The following GPR15LG variants were observed in gnomAD, a reference collection of about 807,000 sequenced individuals.
GPR15LG encodes the protein protein GPR15LG.
the GPR15LG span, among the ~76,000 whole-genome samples, chr10:84,179,479 T>A: frequency 6.6e-6 from 1 of 152,196 alleles, no homozygotes; most frequent in African/African-American, 2.4e-5. Flanking sequence ...AGGAGGGAGA[T>A]GAATCAGTGT....
At chr10:84,177,840 C>A in the GPR15LG span, among the ~76,000 whole-genome samples, 2 of 152,160 alleles carry the variant, frequency 1.3e-5, no homozygotes, top group Non-Finnish European at 2.9e-5. Flanking sequence ...TGGAGGCGAG[C>A]CCCAAGAGCT....
At chr10:84,178,344 TAG>T in the GPR15LG span, among the ~76,000 whole-genome samples, 1 of 150,284 alleles carries the variant, frequency 6.7e-6, no homozygotes, top group Non-Finnish European at 1.5e-5. Flanking sequence ...CATACACACA[TAG>T]ACACATGCAC....
At chr10:84,174,902 T>TG in the GPR15LG span, among the ~76,000 whole-genome samples, 2 of 152,174 alleles carry the variant, frequency 1.3e-5, no homozygotes, top group East Asian at 3.8e-4. Flanking sequence ...CTCAAACTTT[T>TG]GGGTGGGGGG....
the GPR15LG span, chr10:84,184,693 G>A: frequency 1.2e-6 from 2 of 1,614,034 alleles, no homozygotes; most frequent in Non-Finnish European, 1.7e-6. Flanking sequence ...CATCATGTGA[G>A]GCTCTGTAAA....
the GPR15LG span, among the ~76,000 whole-genome samples, chr10:84,183,094 A>T: frequency 6.6e-6 from 1 of 152,048 alleles, no homozygotes; most frequent in Admixed American, 6.5e-5. Flanking sequence ...TGGATGGATG[A>T]ATTATAATTA....
chr10:84,184,362 C>T, the GPR15LG span, among the ~76,000 whole-genome samples: 2 of 152,172 alleles, frequency 1.3e-5, no homozygotes, highest in Non-Finnish European at 2.9e-5. Context: ...CTACCAGAGT[C>T]ATTAGAAACA....
the GPR15LG span, among the ~76,000 whole-genome samples, chr10:84,180,452 TCGCGGCCGGGCAGAGGCG>T: frequency 7.3e-6 from 1 of 137,494 alleles, no homozygotes; most frequent in Admixed American, 7.2e-5. Context: ...CCAGACGGGG[TCGCGGCCGGGCAGAGGCG>T]CTCTTCACAA....
At chr10:84,181,082 G>A in the GPR15LG span, among the ~76,000 whole-genome samples, 3,325 of 141,956 alleles carry the variant, frequency 0.023, 46 homozygotes, top group Middle Eastern at 0.048. Flanking sequence ...CGTGCAAAGA[G>A]GAGGGAGAGG....
At chr10:84,183,283 C>T in the GPR15LG span, among the ~76,000 whole-genome samples, 2 of 152,168 alleles carry the variant, frequency 1.3e-5, no homozygotes, top group African/African-American at 4.8e-5. Flanking sequence ...GAAGGTCCCA[C>T]AGCTACTAAG....
At chr10:84,177,683 G>A in the GPR15LG span, among the ~76,000 whole-genome samples, 1 of 152,162 alleles carries the variant, frequency 6.6e-6, no homozygotes, top group African/African-American at 2.4e-5. Context: ...CAGCCGGCCA[G>A]GATAAAAATA....
the GPR15LG span, among the ~76,000 whole-genome samples, chr10:84,177,283 G>A: frequency 6.6e-6 from 1 of 152,224 alleles, no homozygotes; most frequent in Non-Finnish European, 1.5e-5. Context: ...GGGGCTGCAG[G>A]CCCAGAGCAG....
At chr10:84,176,662 T>C in the GPR15LG span, 368 of 847,646 alleles carry the variant, frequency 4.3e-4, 1 homozygote, top group South Asian at 2.7e-3. Flanking sequence ...CACCCATGGC[T>C]GGCATCAGGC....
chr10:84,176,365 G>A, the GPR15LG span: 10 of 772,324 alleles, frequency 1.3e-5, no homozygotes, highest in South Asian at 8.6e-5. Flanking sequence ...TCGTAGCCTG[G>A]CTCATCCTGA....
At chr10:84,176,328 C>G in the GPR15LG span, 4 of 671,132 alleles carry the variant, frequency 6.0e-6, no homozygotes, top group Admixed American at 4.5e-5. Flanking sequence ...TAAATCACAA[C>G]AAGGCCCACT....
chr10:84,176,534 A>G, the GPR15LG span: 72 of 1,613,920 alleles, frequency 4.5e-5, no homozygotes, highest in Non-Finnish European at 5.9e-5. Context: ...CTCTGCTGCC[A>G]CCGAGTCCCT....
chr10:84,181,752 A>C, the GPR15LG span, among the ~76,000 whole-genome samples: 1 of 152,216 alleles, frequency 6.6e-6, no homozygotes, highest in African/African-American at 2.4e-5. Context: ...GGAAGTTTCA[A>C]TGTGCTGACT....
the GPR15LG span, among the ~76,000 whole-genome samples, chr10:84,174,907 G>C: frequency 6.6e-6 from 1 of 152,084 alleles, no homozygotes. Flanking sequence ...ACTTTTGGGT[G>C]GGGGGAGCTG....
the GPR15LG span, among the ~76,000 whole-genome samples, chr10:84,183,545 T>G: frequency 6.6e-6 from 1 of 152,224 alleles, no homozygotes; most frequent in Non-Finnish European, 1.5e-5. Flanking sequence ...GTCGGAATCA[T>G]TTTTCTTCTT....
chr10:84,179,819 A>C, the GPR15LG span, among the ~76,000 whole-genome samples: 6 of 151,808 alleles, frequency 4.0e-5, no homozygotes, highest in African/African-American at 1.5e-4. Context: ...TCAAAAATCA[A>C]CATGCTAAAT....
Sources: allele counts gnomAD v4.1 joint callset (sites outside exome capture counted in the v4.1 genomes callset), GRCh38; gene constraint gnomAD v4.1.1; transcripts MANE v1.5; gene names NCBI Gene and HGNC (gene_info 2026-07-23, HGNC 2026-07-21).